The following EFTUD2 variants were observed in gnomAD, a reference collection of about 807,000 sequenced individuals.
The protein encoded by EFTUD2 is elongation factor Tu GTP binding domain containing 2.
In EFTUD2, 9 loss-of-function variants were observed where a neutral mutation model predicts 114.3. The observed-to-expected ratio is 0.08, with a 90% CI of 0.05 to 0.14. EFTUD2 has a LOEUF of 0.14. Ranked by LOEUF, EFTUD2 falls within the 10% of genes least tolerant of loss-of-function variation. The probability of loss-of-function intolerance (pLI) is 1.00; values close to 1 mark genes in which losing one functional copy is unlikely to be tolerated. For synonymous variants in EFTUD2, 449 were observed against 462.3 expected, an observed-to-expected ratio of 0.97 and a Z score of 0.37; for missense variants, 765 against 1,241.2, an observed-to-expected ratio of 0.62 and a Z score of 5.76.
At chr17:44,879,924 A>AGTT (rs1429092083) in intron 8 of EFTUD2, among the ~76,000 whole-genome samples, 1 of 152,094 alleles carries the variant, frequency 6.6e-6, no homozygotes, top group African/African-American at 2.4e-5. Flanking sequence ...AGCAGTAAGT[A>AGTT]GAGTTCTGTG....
chr17:44,887,560 TGAGTA>T (rs1471008970), intron 2 of EFTUD2, among the ~76,000 whole-genome samples: 1 of 152,166 alleles, frequency 6.6e-6, no homozygotes, highest in East Asian at 1.9e-4. Flanking sequence ...AACATGATGC[TGAGTA>T]AAGAGGCCAG....
At chr17:44,865,961 A>G (rs1479992333) in intron 13 of EFTUD2, among the ~76,000 whole-genome samples, 1 of 152,102 alleles carries the variant, frequency 6.6e-6, no homozygotes, top group Non-Finnish European at 1.5e-5. Context: ...ACAGGCACAC[A>G]CCACTACAAC....
intron 19 of EFTUD2, 27 bp downstream of exon 19, chr17:44,859,053 C>A (rs368015393): frequency 6.6e-7 from 1 of 1,510,090 alleles, no homozygotes; most frequent in South Asian, 1.1e-5. Context: ...GGACCGTGAA[C>A]CCAGCTCCCG....
intron 15 of EFTUD2, 94 bp downstream of exon 15, chr17:44,863,561 G>A (rs1057264694): frequency 6.6e-7 from 1 of 1,522,408 alleles, no homozygotes; most frequent in Non-Finnish European, 8.9e-7. Flanking sequence ...GGCAAGGGTG[G>A]GAAAGTGGGC....
chr17:44,889,911 C>A (rs1462427540), intron 2 of EFTUD2, among the ~76,000 whole-genome samples: 1 of 152,200 alleles, frequency 6.6e-6, no homozygotes, highest in Non-Finnish European at 1.5e-5. Flanking sequence ...TTTCTGACTG[C>A]CTGTAATTAT....
In EFTUD2 at chr17:44,851,197, G is replaced by A. The variant is rs1228444374; in HGVS notation, c.*77C>T. On this transcript the variant is annotated 3_prime_UTR_variant, in exon 28 of 28. Coordinates refer to ENST00000426333, the MANE Select transcript of EFTUD2 (RefSeq NM_004247.4). ...CACTCTCTGACAACACGAAGGCCAC[G>A]TCATATGAGGTCTCAGCTTCAAGTA... 12 of 1,217,500 alleles carry A rather than the reference G, an allele frequency of 9.9e-6. No individual in the cohort carries two copies. Among genetic ancestry groups the A allele is most frequent in the South Asian group, 4.8e-5 (4 of 83,008 alleles). The allele number at this position is 1,217,500 out of a possible 1,614,324, so 75.4% of individuals were successfully genotyped here. A position where few individuals can be genotyped will look rare whatever the true frequency, so the allele number is the denominator to read the frequency against.
chr17:44,851,414 G>T, intron 27 of EFTUD2, 45 bp from the exon 28 acceptor site: 2 of 1,490,838 alleles, frequency 1.3e-6, no homozygotes, highest in South Asian at 2.3e-5. Context: ...GGTGGTCGCA[G>T]ACTAAGCAAG....
intron 10 of EFTUD2, chr17:44,875,588 T>C (rs1567744734): frequency 1.2e-5 from 2 of 166,304 alleles, no homozygotes; most frequent in East Asian, 1.6e-4. Context: ...GGCACATGCC[T>C]GTGGTCCCAG....
At position 44,854,845 on chromosome 17, in the gene EFTUD2, T is replaced by G; in HGVS notation, c.2132+73A>C. 31 of 1,573,086 alleles carry G rather than the reference T, an allele frequency of 2.0e-5. No individual in the cohort carries two copies. The highest frequency in any genetic ancestry group is 2.7e-5 in the Non-Finnish European group (31 of 1,143,798). ...AAATGCTCCCCAGAAAGATGTGTGC[T>G]CTTAGAGACCCGGCAGTTAAACTGT... On this transcript the variant is annotated intron_variant, in intron 21 of 27. Coordinates refer to ENST00000426333, the MANE Select transcript of EFTUD2 (RefSeq NM_004247.4). This position sits in a 1 kb window ranked among gnomAD's most constrained non-coding sequence, Gnocchi z 4.3.
At chr17:44,893,077 A>G (rs1394805092) in intron 2 of EFTUD2, among the ~76,000 whole-genome samples, 2 of 151,592 alleles carry the variant, frequency 1.3e-5, no homozygotes, top group African/African-American at 4.9e-5. Flanking sequence ...AGAGAAAATT[A>G]TTTTTATAAA....
chr17:44,854,244 G>A lies in EFTUD2; in HGVS notation c.2347+25C>T. 4 of 1,602,714 alleles carry A rather than the reference G, an allele frequency of 2.5e-6. No individual in the cohort carries two copies. The highest frequency in any genetic ancestry group is 3.4e-6 in the Non-Finnish European group (4 of 1,173,464). ...GGCTGCAAGGACCCTCGAGGACTGG[G>A]GTGGGGGAGTGCTGGTGGACTTACA... On this transcript the variant is annotated intron_variant, in intron 23 of 27. Transcript: ENST00000426333. This position sits in a 1 kb window ranked among gnomAD's most constrained non-coding sequence, Gnocchi z 4.3.
rs142238302 is a variant in EFTUD2 at position 44,867,700 on chromosome 17, G to C, written c.1149+107C>G. The C allele has an allele frequency of 5.7e-5, 54 of 943,198 alleles. No individual in the cohort carries two copies. In the African/African-American group the frequency reaches 8.4e-4, roughly 15 times the overall value. The allele number at this position is 943,198 out of a possible 1,614,324, so 58.4% of individuals were successfully genotyped here. On this transcript the variant is annotated intron_variant, in intron 13 of 27. Transcript: ENST00000426333. Reference sequence around the variant, plus strand: ...GTGACCAACAACCACCCTTATACTTGACATAAAACTGAGCAGGTTTAGGGA... The same window carrying C: ...GTGACCAACAACCACCCTTATACTTCACATAAAACTGAGCAGGTTTAGGGA...
At chr17:44,889,101 GTTCT>G (rs2051230024) in intron 2 of EFTUD2, among the ~76,000 whole-genome samples, 1 of 152,144 alleles carries the variant, frequency 6.6e-6, no homozygotes, top group African/African-American at 2.4e-5. Context: ...AAAACCAGGG[GTTCT>G]CTGAAAGCCA....
At chr17:44,895,260 C>A (rs1245543373) in intron 1 of EFTUD2, among the ~76,000 whole-genome samples, 3 of 152,260 alleles carry the variant, frequency 2.0e-5, no homozygotes, top group Non-Finnish European at 2.9e-5. Context: ...CTTTGGGAGG[C>A]CAAGGCAGGC....
intron 5 of EFTUD2, 78 bp downstream of exon 5, chr17:44,883,571 G>C: frequency 7.3e-7 from 1 of 1,375,140 alleles, no homozygotes; most frequent in Non-Finnish European, 1.0e-6. Context: ...AACCTCAACC[G>C]CTGTGACTCT....
At chr17:44,857,920 CTTTTT>C (rs528299306) in intron 19 of EFTUD2, among the ~76,000 whole-genome samples, 1 of 127,494 alleles carries the variant, frequency 7.8e-6, no homozygotes. Context: ...TTTCTTTTTC[CTTTTT>C]TTTTTTTTTT....
At chr17:44,898,445 C>G (rs866011231) in intron 1 of EFTUD2, among the ~76,000 whole-genome samples, 9 of 152,172 alleles carry the variant, frequency 5.9e-5, no homozygotes, top group Admixed American at 2.6e-4. Flanking sequence ...GTCTCGAACT[C>G]CTGACCTCAG....
At chr17:44,853,702 A>G (rs2050496898) in intron 23 of EFTUD2, 67 bp from the exon 24 acceptor site, 2 of 1,593,762 alleles carry the variant, frequency 1.3e-6, no homozygotes, top group Admixed American at 1.7e-5. Context: ...ATGGCAGAGT[A>G]GCAGTCTCCT....
intron 25 of EFTUD2, 71 bp from the exon 26 acceptor site, chr17:44,852,633 T>A (rs1030870948): frequency 4.1e-5 from 64 of 1,565,332 alleles, no homozygotes; most frequent in Non-Finnish European, 4.8e-5. Context: ...ATCCAGCATT[T>A]GCTGTCCCCC....
Sources: gnomAD v4.1 joint callset for allele counts (sites outside exome capture counted in the v4.1 genomes callset) on GRCh38, gnomAD v4.1.1 for gene constraint, Gnocchi (gnomAD v3.1) non-coding constraint, MANE v1.5 for transcripts, NCBI Gene and HGNC (gene_info 2026-07-23, HGNC 2026-07-21) for gene names.